Variants in LAMA3 observed in about 807,000 individuals in gnomAD.
LAMA3 encodes the protein laminin subunit alpha-3.
A neutral mutation model predicts 402.0 loss-of-function variants in LAMA3; 281 were observed. The ratio of observed to expected loss-of-function variants is 0.70; its 90% CI spans 0.63 to 0.77. The LOEUF (loss-of-function observed/expected upper bound fraction) is 0.77, where lower values mean the gene tolerates loss of function less well. Among genes scored for constraint, LAMA3 ranks in the 30% least tolerant of loss-of-function variants. The pLI is 0.00. For missense variants in LAMA3, 3,840 were observed against 4,215.5 expected (o/e 0.91, Z 2.47); for synonymous variants, 1,431 against 1,558.4 (o/e 0.92, Z 1.93).
At chr18:23,853,214 T>C (rs2063985134) in intron 32 of LAMA3, among the ~76,000 whole-genome samples, 1 of 152,220 alleles carries the variant, frequency 6.6e-6, no homozygotes, top group African/African-American at 2.4e-5. Flanking sequence ...AGGTAGATTT[T>C]GGGCTCTAGG....
intron 36 of LAMA3, among the ~76,000 whole-genome samples, chr18:23,867,384 A>G (rs2144782964): frequency 6.6e-6 from 1 of 152,112 alleles, no homozygotes; most frequent in South Asian, 2.1e-4. Context: ...TGGTGAAACT[A>G]CTAAAAATAC....
At chr18:23,798,266 A>G (rs552504929) in intron 12 of LAMA3, among the ~76,000 whole-genome samples, 8 of 152,270 alleles carry the variant, frequency 5.3e-5, no homozygotes, top group East Asian at 3.9e-4. Flanking sequence ...CTTTCATGAC[A>G]TGAACTGAAG....
chr18:23,901,038 T>A (rs1282019363), intron 47 of LAMA3, 89 bp from the exon 48 acceptor site: 1 of 1,182,226 alleles, frequency 8.5e-7, no homozygotes. Context: ...ATGAAATGAG[T>A]AGAAACTCGA....
chr18:23,778,056 G>A lies in LAMA3; in HGVS notation c.1468+437G>A, dbSNP rs112398735. Among the ~76,000 whole-genome samples the A allele has an allele frequency of 4.8e-3, 737 of 152,298 alleles. 6 individuals carry two copies. Among genetic ancestry groups the A allele is most frequent in the Non-Finnish European group, 7.2e-3 (491 of 68,020 alleles). On this transcript the variant is annotated intron_variant, in intron 11 of 74. Coordinates refer to ENST00000313654, the MANE Select transcript of LAMA3 (RefSeq NM_198129.4). ...TGGCAGTTATCTGCCATTAGTGGAG[G>A]CATTAATGCTTCTGGGGCATTCACC...
At chr18:23,751,144 C>G in intron 5 of LAMA3, 56 bp downstream of exon 5, 1 of 1,562,406 alleles carries the variant, frequency 6.4e-7, no homozygotes, top group East Asian at 2.2e-5. Flanking sequence ...TTTGGCTTAC[C>G]AAATTAATTG....
At chr18:23,889,624 A>T (rs1423049687) in intron 41 of LAMA3, among the ~76,000 whole-genome samples, 2 of 142,464 alleles carry the variant, frequency 1.4e-5, no homozygotes, top group African/African-American at 5.1e-5. Context: ...AAAGGAAAGG[A>T]AAAAAGAAAA....
intron 2 of LAMA3, among the ~76,000 whole-genome samples, chr18:23,737,754 G>A (rs917967141): frequency 1.2e-4 from 19 of 152,378 alleles, no homozygotes; most frequent in South Asian, 1.0e-3. Flanking sequence ...GGTGAGAAGC[G>A]AGCCAGAAGA....
At chr18:23,820,382 A>G (rs979457937) in intron 19 of LAMA3, among the ~76,000 whole-genome samples, 1 of 152,220 alleles carries the variant, frequency 6.6e-6, no homozygotes, top group Admixed American at 6.5e-5. Context: ...AACAAAAATG[A>G]GTTGGCTTAA....
chr18:23,954,375 C>T, intron 74 of LAMA3, 128 bp from the exon 75 acceptor site: 2 of 793,908 alleles, frequency 2.5e-6, no homozygotes, highest in Non-Finnish European at 4.1e-6. Flanking sequence ...TGTACTTCAG[C>T]CTGGGTAACA....
chr18:23,940,254 A>T (rs573230186), intron 68 of LAMA3, among the ~76,000 whole-genome samples: 1 of 152,330 alleles, frequency 6.6e-6, no homozygotes, highest in African/African-American at 2.4e-5. Context: ...CCGGGTAGGA[A>T]GGGCCTCGGG....
chr18:23,921,404 A>C, intron 61 of LAMA3, 48 bp from the exon 62 acceptor site: 1 of 1,600,338 alleles, frequency 6.2e-7, no homozygotes. Flanking sequence ...TGTGAATAGG[A>C]TTCTCTTATT....
In LAMA3 at chr18:23,735,444, C is replaced by T. The variant is rs868733853; in HGVS notation, c.448-12499C>T. 2.0e-5 allele frequency among the ~76,000 whole-genome samples: 3 copies of T among 152,140 alleles called. No individual in the cohort carries two copies. In the East Asian group the frequency reaches 5.8e-4, roughly 29 times the overall value. ...TAGGAGTGAGCTGCTCATACGTCTT[C>T]GTTCCTAGCGTGTTGTGAGCTGTGC... is the stretch of plus-strand genomic sequence containing the variant. On this transcript the variant is annotated intron_variant, in intron 2 of 74. Coordinates refer to ENST00000313654, the MANE Select transcript of LAMA3 (RefSeq NM_198129.4).
intron 2 of LAMA3, among the ~76,000 whole-genome samples, chr18:23,714,932 T>C (rs1472800808): frequency 2.6e-5 from 4 of 152,196 alleles, no homozygotes; most frequent in African/African-American, 7.2e-5. Context: ...ATTTGTCTTT[T>C]TGTGACTGGC....
intron 31 of LAMA3, 116 bp from the exon 32 acceptor site, chr18:23,847,348 C>T: frequency 1.8e-6 from 2 of 1,108,086 alleles, no homozygotes; most frequent in Non-Finnish European, 1.3e-6. Context: ...CTTTCAGATC[C>T]AAATATTTCT....
At chr18:23,794,533 G>A (rs2062725595) in intron 12 of LAMA3, among the ~76,000 whole-genome samples, 1 of 152,140 alleles carries the variant, frequency 6.6e-6, no homozygotes, top group Non-Finnish European at 1.5e-5. Context: ...CCTGCCTACT[G>A]TGGGATTTTG....
At chr18:23,781,456 C>A (rs2062436711) in intron 11 of LAMA3, among the ~76,000 whole-genome samples, 1 of 152,236 alleles carries the variant, frequency 6.6e-6, no homozygotes, top group African/African-American at 2.4e-5. Context: ...AAAAAGCATA[C>A]AAATGTATGT....
At chr18:23,749,593 A>G in intron 4 of LAMA3, 47 bp downstream of exon 4, 1 of 1,122,820 alleles carries the variant, frequency 8.9e-7, no homozygotes, top group Non-Finnish European at 1.4e-6. Context: ...AGAAATGACC[A>G]TGAGGATATC....
intron 2 of LAMA3, among the ~76,000 whole-genome samples, chr18:23,735,593 G>A (rs2061460762): frequency 6.6e-6 from 1 of 152,128 alleles, no homozygotes. Flanking sequence ...CCCTTGAGGT[G>A]CGCTCACTGC....
chr18:23,858,237 T>C (rs1161256724), intron 33 of LAMA3, among the ~76,000 whole-genome samples: 3 of 152,040 alleles, frequency 2.0e-5, no homozygotes, highest in Admixed American at 2.0e-4. Context: ...TCCAGAAAAA[T>C]CAGCACAAAC....
Sources: allele counts gnomAD v4.1 joint callset (sites outside exome capture counted in the v4.1 genomes callset), GRCh38; gene constraint gnomAD v4.1.1; transcripts MANE v1.5; gene names NCBI Gene and HGNC (gene_info 2026-07-23, HGNC 2026-07-21).